MYH4: variants seen among roughly 807,000 people sequenced by gnomAD.
MYH4 encodes the protein myosin-4.
A neutral mutation model predicts 229.9 loss-of-function variants in MYH4; 200 were observed. The ratio of observed to expected loss-of-function variants is 0.87; its 90% CI spans 0.78 to 0.98. The LOEUF (loss-of-function observed/expected upper bound fraction) is 0.98, where lower values mean the gene tolerates loss of function less well. MYH4 is among the 50% of genes least tolerant of loss of function. MYH4 has a pLI of 0.00. For missense variants in MYH4, 2,148 were observed against 2,332.6 expected (o/e 0.92, Z 1.63); for synonymous variants, 761 against 834.6 (o/e 0.91, Z 1.52).
At chr17:10,459,550 T>A in intron 14 of MYH4, 129 bp from the exon 15 acceptor site, 5 of 1,469,852 alleles carry the variant, frequency 3.4e-6, no homozygotes, top group Non-Finnish European at 3.7e-6. Flanking sequence ...ATTGTTTTCC[T>A]ATTATATAGT....
intron 2 of MYH4, among the ~76,000 whole-genome samples, chr17:10,467,453 A>G (rs2072779309): frequency 6.6e-6 from 1 of 152,244 alleles, no homozygotes; most frequent in Non-Finnish European, 1.5e-5. Flanking sequence ...GCCCTAAGTT[A>G]AAATTAAAAT....
At chr17:10,467,520 C>T (rs2072779954) in intron 2 of MYH4, among the ~76,000 whole-genome samples, 1 of 152,148 alleles carries the variant, frequency 6.6e-6, no homozygotes, top group Non-Finnish European at 1.5e-5. Context: ...AAACCAAAAA[C>T]AACTTTAAAA....
At chr17:10,459,876 C>T in intron 14 of MYH4, 76 bp downstream of exon 14, 1 of 1,608,870 alleles carries the variant, frequency 6.2e-7, no homozygotes, top group Non-Finnish European at 8.5e-7. Context: ...TTGTAAGGTA[C>T]ATTTTGTAAA....
intron 24 of MYH4, 91 bp downstream of exon 24, chr17:10,453,061 A>G: frequency 1.3e-6 from 2 of 1,595,394 alleles, no homozygotes; most frequent in Non-Finnish European, 1.7e-6. Flanking sequence ...TTCACAGACC[A>G]AGCGTTAAAG....
At chr17:10,466,849 C>G in intron 2 of MYH4, 65 bp from the exon 3 acceptor site, 1 of 1,404,060 alleles carries the variant, frequency 7.1e-7, no homozygotes, top group South Asian at 1.3e-5. Context: ...CTGTTGATTT[C>G]ATATTAATGT....
Position 10,455,685 on chromosome 17 carries a change from A to G in MYH4, c.2103T>C (p.Gly701=), listed in dbSNP as rs1294118806. 6 of 1,614,042 alleles carry G rather than the reference A, an allele frequency of 3.7e-6. No individual in the cohort carries two copies. In the Admixed American group the frequency reaches 8.3e-5, roughly 22 times the overall value. The change falls in exon 19 of 40, where the codon GGT becomes GGC. Residue 701 remains glycine (G), a synonymous_variant. Coordinates refer to ENST00000255381, the MANE Select transcript of MYH4 (RefSeq NM_017533.2). ...TGCAGATGCGGATGCCTTCCAGCAC[A>G]CCGTTACACCTCAGCTGATGCAGGA... ...ELVLHQLRCN[G]VLEGIRICRK... is the part of the protein sequence containing the mutation.
At chr17:10,447,526 G>A (rs1318686706) in intron 34 of MYH4, among the ~76,000 whole-genome samples, 1 of 152,134 alleles carries the variant, frequency 6.6e-6, no homozygotes, top group Admixed American at 6.5e-5. Flanking sequence ...AGCAAATGAA[G>A]TCCAGATTAA....
At position 10,457,619 on chromosome 17, in the gene MYH4, G is replaced by C. The variant is rs746159729; in HGVS notation, c.1698C>G (p.Phe566Leu). Reference sequence around the variant, plus strand: ...TGCCTTTGGCAGGCTTGGGCTTCTGGAAGTTGTTGGATTTTCCAAGATGTT... The same window carrying C: ...TGCCTTTGGCAGGCTTGGGCTTCTGCAAGTTGTTGGATTTTCCAAGATGTT... ...YEQHLGKSNN[F>L]QKPKPAKGKP... The change falls in exon 16 of 40, where the codon TTC (phenylalanine) becomes TTG (leucine). Residue 566 changes from phenylalanine to leucine, a missense_variant. Coordinates refer to ENST00000255381, the MANE Select transcript of MYH4 (RefSeq NM_017533.2). The C allele has an allele frequency of 7.7e-5, 125 of 1,614,104 alleles. No individual in the cohort carries two copies. The highest frequency in any genetic ancestry group is 9.5e-5 in the Non-Finnish European group (112 of 1,180,064).
chr17:10,459,457 A>G, intron 14 of MYH4, 36 bp from the exon 15 acceptor site: 1 of 1,614,150 alleles, frequency 6.2e-7, no homozygotes, highest in Non-Finnish European at 8.5e-7. Flanking sequence ...ATTACGCATA[A>G]CAAGTATTCT....
Position 10,452,961 on chromosome 17 carries a change from C to T in MYH4, c.3112-29G>A, listed in dbSNP as rs183142033. 531 of 1,598,202 alleles carry T rather than the reference C, an allele frequency of 3.3e-4. 3 individuals are homozygous for T. In the African/African-American group the frequency reaches 6.6e-3, roughly 20 times the overall value. ...AATTTATGATGCATTTTATTTATTT[C>T]AGCTCTTAAGCACTGAACCCTATGC... On this transcript the variant is annotated intron_variant, in intron 24 of 39. Coordinates refer to ENST00000255381, the MANE Select transcript of MYH4 (RefSeq NM_017533.2).
At chr17:10,459,497 C>T in intron 14 of MYH4, 76 bp from the exon 15 acceptor site, 1 of 1,608,068 alleles carries the variant, frequency 6.2e-7, no homozygotes, top group Middle Eastern at 1.7e-4. Flanking sequence ...GTATTTTCTT[C>T]TGAATTTAAG....
Position 10,443,692 on chromosome 17 carries a change from G to A in MYH4, c.5668-165C>T, listed in dbSNP as rs2072481089. On this transcript the variant is annotated intron_variant, in intron 39 of 39. Transcript: ENST00000255381. This position sits in a 1 kb window ranked among gnomAD's most constrained non-coding sequence, Gnocchi z 4.6. ...TCCCAGCACTCTGGGAGACTGAGGC[G>A]GGTGGATCACCTGAGGTCAGGAATT... Among the ~76,000 whole-genome samples, 1 of 152,108 alleles carries A rather than the reference G, an allele frequency of 6.6e-6. No homozygotes were observed. The highest frequency in any genetic ancestry group is 2.1e-4 in the South Asian group (1 of 4,822).
chr17:10,450,751 G>A, intron 29 of MYH4, 26 bp downstream of exon 29: 1 of 1,610,016 alleles, frequency 6.2e-7, no homozygotes. Flanking sequence ...TCAAGTGATT[G>A]AAAGTATCAG....
At chr17:10,469,470 C>T (rs779153596) in intron 1 of MYH4, 67 bp downstream of exon 1, 3 of 152,132 alleles carry the variant, frequency 2.0e-5, no homozygotes, top group African/African-American at 7.2e-5. Context: ...AAGCAGTAGA[C>T]ATCCCTTAAA....
At chr17:10,463,735 T>C in intron 7 of MYH4, 92 bp from the exon 8 acceptor site, 1 of 969,588 alleles carries the variant, frequency 1.0e-6, no homozygotes, top group Non-Finnish European at 1.5e-6. Flanking sequence ...CCCTGCACAG[T>C]ATTCTGTAAC....
rs143011931 is a variant in MYH4 at position 10,447,314 on chromosome 17, T to C, written c.4966-98A>G. ...TCTTTGATCTTAATGACTTAGAGTA[T>C]GATTAGATAGGAGCAATCGGCAAGT... On this transcript the variant is annotated intron_variant, in intron 34 of 39. Coordinates refer to ENST00000255381, the MANE Select transcript of MYH4 (RefSeq NM_017533.2). The C allele has an allele frequency of 8.1e-4, 867 of 1,065,232 alleles. 2 individuals are homozygous for C. Among genetic ancestry groups the C allele is most frequent in the Non-Finnish European group, 1.0e-3 (755 of 735,614 alleles). 66.0% of individuals were successfully genotyped at this position (1,065,232 alleles called of 1,614,324 possible).
Position 10,450,458 on chromosome 17 carries a change from C to A in MYH4, c.4176G>T (p.Glu1392Asp). The A allele has an allele frequency of 1.2e-6, 2 of 1,613,980 alleles. No homozygotes were observed. The highest frequency in any genetic ancestry group is 1.7e-6 in the Non-Finnish European group (2 of 1,179,890). Reference protein sequence around the residue: ...DAIQRTEELEEAKKKLAQRLQ... With the variant: ...DAIQRTEELEDAKKKLAQRLQ... ...CCTGCACTAAAAGCACATACTTGGC[C>A]TCCTCCAGCTCCTCTGTGCGCTGGA... is the stretch of plus-strand genomic sequence containing the variant. Residue 1392 changes from glutamate to aspartate, a missense_variant, in exon 30 of 40, where the codon GAG becomes GAT. Transcript: ENST00000255381.
chr17:10,468,900 G>A (rs1597426689), intron 2 of MYH4, among the ~76,000 whole-genome samples: 2 of 152,182 alleles, frequency 1.3e-5, no homozygotes, highest in East Asian at 3.8e-4. Flanking sequence ...AAGGCTAACT[G>A]GCTTGACCCA....
At chr17:10,466,228 G>A (rs2072765029) in intron 4 of MYH4, 45 bp downstream of exon 4, 2 of 1,603,912 alleles carry the variant, frequency 1.2e-6, no homozygotes, top group East Asian at 4.5e-5. Context: ...GCTAACATGT[G>A]TAGAATGTGG....
Sources: allele counts gnomAD v4.1 joint callset (sites outside exome capture counted in the v4.1 genomes callset), GRCh38; gene constraint gnomAD v4.1.1; non-coding constraint Gnocchi (gnomAD v3.1); transcripts MANE v1.5; gene names NCBI Gene and HGNC (gene_info 2026-07-23, HGNC 2026-07-21).